UTRN: variants seen among roughly 807,000 people sequenced by gnomAD.
UTRN encodes the protein utrophin, also known as dystrophin-related protein 1.
In UTRN, 283 loss-of-function variants were observed where a neutral mutation model predicts 463.9. That is an observed-to-expected ratio of 0.61 (90% CI 0.55 to 0.67). UTRN has a LOEUF of 0.67. Ranked by LOEUF, UTRN falls within the 30% of genes least tolerant of loss-of-function variation. UTRN has a pLI of 0.00. For synonymous variants in UTRN, 1,442 were observed against 1,431.5 expected (o/e 1.01, Z -0.17); for missense variants, 3,922 against 4,084.3 (o/e 0.96, Z 1.08).
At chr6:144,311,909 A>G (rs1377665982) in intron 2 of UTRN, 2 of 152,174 alleles carry the variant, frequency 1.3e-5, no homozygotes, top group Non-Finnish European at 2.9e-5. Flanking sequence ...GAAAAGAATA[A>G]TAAGAAAAAT....
rs117216928 is a variant in UTRN at position 144,372,467 on chromosome 6, C to T, written c.80-30656C>T. On this transcript the variant is annotated intron_variant, in intron 2 of 74. Coordinates refer to ENST00000367545, the MANE Select transcript of UTRN (RefSeq NM_007124.3). ...AGGTATCTGCTAAAGGTCTAGTATC[C>T]GCAATAGATAAAGAAGTCTTTTTAT... Among the ~76,000 whole-genome samples, 483 of 152,022 alleles carry T rather than the reference C, an allele frequency of 3.2e-3. 13 individuals are homozygous for T. The East Asian group carries it at 0.077, about 24-fold the overall frequency.
chr6:144,332,904 TTTTATTTATTTA>T (rs200334669), intron 2 of UTRN, among the ~76,000 whole-genome samples: 18,960 of 145,100 alleles, frequency 0.13, 1,530 homozygotes, highest in East Asian at 0.23. Context: ...GATATTAACC[TTTTATTTATTTA>T]TTTATTTATT....
intron 65 of UTRN, among the ~76,000 whole-genome samples, chr6:144,810,838 GAGA>G (rs71636430): frequency 0.016 from 2,432 of 152,198 alleles, 63 homozygotes; most frequent in African/African-American, 0.055. Context: ...TGAGTTTAGT[GAGA>G]AGAGGCAACA....
chr6:144,703,315 T>G (rs759677018), intron 53 of UTRN, among the ~76,000 whole-genome samples: 15 of 152,180 alleles, frequency 9.9e-5, no homozygotes, highest in Admixed American at 2.0e-4. Flanking sequence ...GTTAAGCTTA[T>G]AGATGTTTAA....
At chr6:144,325,427 A>G (rs2114593309) in intron 2 of UTRN, among the ~76,000 whole-genome samples, 1 of 152,296 alleles carries the variant, frequency 6.6e-6, no homozygotes, top group East Asian at 1.9e-4. Context: ...TGATGTAGCA[A>G]GAAAGCCCTC....
At chr6:144,833,095 CAGGCG>C (rs1356776067) in intron 69 of UTRN, among the ~76,000 whole-genome samples, 1 of 152,216 alleles carries the variant, frequency 6.6e-6, no homozygotes, top group Non-Finnish European at 1.5e-5. Context: ...GCTGGGATTA[CAGGCG>C]TGAGCCACCG....
At chr6:144,502,205 A>T (rs544869385) in intron 34 of UTRN, among the ~76,000 whole-genome samples, 1 of 150,772 alleles carries the variant, frequency 6.6e-6, no homozygotes, top group South Asian at 2.1e-4. Flanking sequence ...TAGAAAGACC[A>T]CCTCAACTCC....
In UTRN at chr6:144,372,943, G is replaced by C. The variant is rs192697452; in HGVS notation, c.80-30180G>C. On this transcript the variant is annotated intron_variant, in intron 2 of 74. Coordinates refer to ENST00000367545, the MANE Select transcript of UTRN (RefSeq NM_007124.3). ...TGGTCAACATCATTAGTCACTTAGG[G>C]AAATGCAAATCAAAACCATAGCGAA... Among the ~76,000 whole-genome samples the C allele has an allele frequency of 2.3e-3, 345 of 152,246 alleles. 1 individual carries two copies. The highest frequency in any genetic ancestry group is 7.8e-3 in the African/African-American group (325 of 41,542).
At chr6:144,302,363 C>G (rs2502631) in intron 2 of UTRN, among the ~76,000 whole-genome samples, 1 of 151,810 alleles carries the variant, frequency 6.6e-6, no homozygotes, top group Admixed American at 6.6e-5. Context: ...ATACAAAAAT[C>G]AGCCAGGCGT....
In UTRN at chr6:144,616,805, T is replaced by A. The variant is rs562256063; in HGVS notation, c.7479+39517T>A. 2.3e-4 allele frequency among the ~76,000 whole-genome samples: 35 copies of A among 152,272 alleles called. 1 individual carries two copies. The East Asian group carries it at 6.8e-3, about 29-fold the overall frequency. On this transcript the variant is annotated intron_variant, in intron 51 of 74. Coordinates refer to ENST00000367545, the MANE Select transcript of UTRN (RefSeq NM_007124.3). The stretch of plus-strand genomic sequence containing the variant: ...GAATTCTATGCCAGTTCCGCTCTTA[T>A]AAATTGTGAGCCTGTGTTTCTTGTG...
intron 49 of UTRN, among the ~76,000 whole-genome samples, chr6:144,555,926 C>T (rs1585253721): frequency 6.6e-6 from 1 of 152,224 alleles, no homozygotes; most frequent in Non-Finnish European, 1.5e-5. Flanking sequence ...GTGAACAAAT[C>T]AGATAAGTAA....
intron 51 of UTRN, among the ~76,000 whole-genome samples, chr6:144,599,920 T>C (rs1389202219): frequency 6.6e-6 from 1 of 152,214 alleles, no homozygotes; most frequent in Non-Finnish European, 1.5e-5. Context: ...TCCAACAGCA[T>C]GTACTTTGTG....
At chr6:144,529,766 T>C (rs972940466) in intron 41 of UTRN, among the ~76,000 whole-genome samples, 1 of 152,084 alleles carries the variant, frequency 6.6e-6, no homozygotes, top group African/African-American at 2.4e-5. Context: ...TTAGGGGTTA[T>C]TGATATTAGG....
In UTRN at chr6:144,836,470, A is replaced by G; in HGVS notation, c.9994A>G (p.Met3332Val). Residue 3332 changes from methionine to valine, a missense_variant, in exon 71 of 75, where the codon ATG becomes GTG. Physicochemically the swap from Met to Val is conservative, Grantham distance 21 (BLOSUM62 1). Coordinates refer to ENST00000367545, the MANE Select transcript of UTRN (RefSeq NM_007124.3). Reference protein sequence around the residue: ...RQHKGRLEARMQILEDHNKQL... With the variant: ...RQHKGRLEARVQILEDHNKQL... ...GCACAAAGGTCGGCTGGAGGCTAGG[A>G]TGCAGATTTTAGAAGATCACAATAA... The G allele has an allele frequency of 1.9e-6, 3 of 1,612,182 alleles. No individual in the cohort carries two copies. Among genetic ancestry groups the G allele is most frequent in the Non-Finnish European group, 2.5e-6 (3 of 1,178,972 alleles).
intron 51 of UTRN, among the ~76,000 whole-genome samples, chr6:144,645,054 A>G (rs1405348448): frequency 6.6e-6 from 1 of 152,168 alleles, no homozygotes; most frequent in African/African-American, 2.4e-5. Flanking sequence ...GCCTCTTTGC[A>G]TGCACCTGTG....
In UTRN at chr6:144,542,302, A is replaced by T. The variant is rs76777245; in HGVS notation, c.6520-493A>T. ...GTTCACAGAGAGGGCTGGACTGAAG[A>T]TATGTTTTGGGCAGTCTTTAGCCTC... On this transcript the variant is annotated intron_variant, in intron 45 of 74. Coordinates refer to ENST00000367545, the MANE Select transcript of UTRN (RefSeq NM_007124.3). Among the ~76,000 whole-genome samples the T allele has an allele frequency of 2.5e-3, 383 of 152,240 alleles. 13 individuals are homozygous for T. The East Asian group carries it at 0.059, about 24-fold the overall frequency.
At chr6:144,720,574 C>G (rs1412764428) in intron 53 of UTRN, among the ~76,000 whole-genome samples, 1 of 152,162 alleles carries the variant, frequency 6.6e-6, no homozygotes, top group South Asian at 2.1e-4. Context: ...ACAATCAGGT[C>G]TTCATTAATC....
intron 60 of UTRN, among the ~76,000 whole-genome samples, chr6:144,776,200 T>A (rs1321553350): frequency 6.6e-6 from 1 of 152,204 alleles, no homozygotes; most frequent in African/African-American, 2.4e-5. Context: ...GTAACCCTTT[T>A]TTCCTCCCAA....
intron 63 of UTRN, 102 bp from the exon 64 acceptor site, chr6:144,797,719 GTTT>G (rs1167517478): frequency 8.5e-7 from 1 of 1,170,532 alleles, no homozygotes; most frequent in East Asian, 2.5e-5. Flanking sequence ...GAGTTATATA[GTTT>G]CCTCTTCTGC....
Sources: allele counts gnomAD v4.1 joint callset (sites outside exome capture counted in the v4.1 genomes callset), GRCh38; gene constraint gnomAD v4.1.1; transcripts MANE v1.5; gene names NCBI Gene and HGNC (gene_info 2026-07-23, HGNC 2026-07-21).